The following NPAS3 variants were observed in gnomAD, a reference collection of about 807,000 sequenced individuals.
NPAS3 encodes neuronal PAS domain-containing protein 3.
A neutral mutation model predicts 73.1 loss-of-function variants in NPAS3; 14 were observed. That is an observed-to-expected ratio of 0.19 (90% CI 0.13 to 0.30). The LOEUF (loss-of-function observed/expected upper bound fraction) is 0.30. Among genes scored for constraint, NPAS3 ranks in the 10% least tolerant of loss-of-function variants. The pLI is 1.00. For synonymous variants in NPAS3, 620 were observed against 541.5 expected, an observed-to-expected ratio of 1.14 and a Z score of -2.01; for missense variants, 1,096 against 1,250.0, an observed-to-expected ratio of 0.88 and a Z score of 1.86.
chr14:33,154,231 G>C (rs1429357645), intron 2 of NPAS3, among the ~76,000 whole-genome samples: 1 of 152,194 alleles, frequency 6.6e-6, no homozygotes, highest in African/African-American at 2.4e-5. Flanking sequence ...TATATTGACA[G>C]CTATGCTGAT....
chr14:33,615,104 G>A lies in NPAS3; in HGVS notation c.558+54894G>A, dbSNP rs554900418. 2.2e-4 allele frequency among the ~76,000 whole-genome samples: 34 copies of A among 152,230 alleles called. 1 individual carries two copies. In the Middle Eastern group the frequency reaches 0.024, roughly 107 times the overall value. On this transcript the variant is annotated intron_variant, in intron 5 of 11. Transcript: ENST00000356141. ...ATGAGGTGGCATCGGTACAAAGATG[G>A]CAAAGGGCAGCACTTAGGGCAATAA...
At chr14:33,720,418 C>G (rs2061074935) in intron 6 of NPAS3, among the ~76,000 whole-genome samples, 1 of 152,172 alleles carries the variant, frequency 6.6e-6, no homozygotes, top group Non-Finnish European at 1.5e-5. Context: ...GTCCCAGCTT[C>G]TGTGACAGCC....
At chr14:33,652,282 A>T (rs1309713676) in intron 5 of NPAS3, among the ~76,000 whole-genome samples, 2 of 152,120 alleles carry the variant, frequency 1.3e-5, no homozygotes, top group African/African-American at 2.4e-5. Flanking sequence ...TTGCTGTTGC[A>T]TTCTCCTCTG....
intron 4 of NPAS3, among the ~76,000 whole-genome samples, chr14:33,445,890 G>C (rs1737917075): frequency 1.3e-5 from 2 of 151,636 alleles, no homozygotes; most frequent in Admixed American, 6.6e-5. Flanking sequence ...GGACCTCCCT[G>C]GGCTGAGGCC....
At position 33,450,505 on chromosome 14, in the gene NPAS3, G is replaced by C. The variant is rs1410383830; in HGVS notation, c.468+83237G>C. On this transcript the variant is annotated intron_variant, in intron 4 of 11. Coordinates refer to ENST00000356141, the Ensembl canonical transcript of NPAS3. ...TTATTCATGAAATGAGATAGATCCT[G>C]AAAAAAACATCTGAGTCTAGATGAT... is the stretch of plus-strand genomic sequence containing the variant. 3.3e-5 allele frequency among the ~76,000 whole-genome samples: 5 copies of C among 151,822 alleles called. No homozygotes were observed. In the East Asian group the frequency reaches 9.7e-4, roughly 29 times the overall value.
intron 5 of NPAS3, among the ~76,000 whole-genome samples, chr14:33,577,022 TC>T (rs1455990253): frequency 6.6e-6 from 1 of 152,192 alleles, no homozygotes; most frequent in Non-Finnish European, 1.5e-5. Flanking sequence ...CCCAAGCTCT[TC>T]AACTTGCAAG....
intron 5 of NPAS3, among the ~76,000 whole-genome samples, chr14:33,618,054 T>C (rs772500112): frequency 3.2e-4 from 48 of 152,272 alleles, no homozygotes; most frequent in Admixed American, 1.5e-3. Context: ...TTGGATCAAT[T>C]ATATATAAAG....
chr14:33,700,898 G>A (rs964289004), intron 6 of NPAS3, among the ~76,000 whole-genome samples: 1 of 152,170 alleles, frequency 6.6e-6, no homozygotes, highest in African/African-American at 2.4e-5. Context: ...GTTTCTTAAT[G>A]TTGTTTAATT....
At chr14:33,740,590 C>A (rs2061631640) in intron 7 of NPAS3, among the ~76,000 whole-genome samples, 2 of 152,226 alleles carry the variant, frequency 1.3e-5, no homozygotes, top group African/African-American at 2.4e-5. Flanking sequence ...TAGCTATGAA[C>A]CCAAACGATT....
chr14:33,533,860 A>C (rs750168194), intron 4 of NPAS3, among the ~76,000 whole-genome samples: 1 of 152,140 alleles, frequency 6.6e-6, no homozygotes, highest in African/African-American at 2.4e-5. Flanking sequence ...GTATATATAC[A>C]TATCACATGT....
At chr14:33,035,376 C>G (rs897812982) in intron 1 of NPAS3, among the ~76,000 whole-genome samples, 1 of 152,076 alleles carries the variant, frequency 6.6e-6, no homozygotes, top group African/African-American at 2.4e-5. Flanking sequence ...GAGATGGAAA[C>G]AGTTGCTGGT....
intron 6 of NPAS3, among the ~76,000 whole-genome samples, chr14:33,730,886 T>C (rs1172619716): frequency 6.6e-6 from 1 of 152,204 alleles, no homozygotes; most frequent in Non-Finnish European, 1.5e-5. Context: ...GTTCGTCCTG[T>C]GTGCACAGAA....
intron 6 of NPAS3, among the ~76,000 whole-genome samples, chr14:33,682,105 A>C (rs2059955956): frequency 6.6e-6 from 1 of 152,228 alleles, no homozygotes; most frequent in South Asian, 2.1e-4. Context: ...AAAATGTATA[A>C]TTTATGATGA....
intron 4 of NPAS3, among the ~76,000 whole-genome samples, chr14:33,550,183 G>GGGTTT (rs1023364294): frequency 6.6e-6 from 1 of 151,890 alleles, no homozygotes; most frequent in Non-Finnish European, 1.5e-5. Flanking sequence ...TTGTTATTTG[G>GGGTTT]GGTTTGTTTT....
chr14:33,711,962 G>C (rs1234221002), intron 6 of NPAS3, among the ~76,000 whole-genome samples: 1 of 152,156 alleles, frequency 6.6e-6, no homozygotes, highest in African/African-American at 2.4e-5. Flanking sequence ...CTCAGCTAAA[G>C]GAAGTGCCAG....
At chr14:32,964,640 G>A (rs1175519592) in intron 1 of NPAS3, among the ~76,000 whole-genome samples, 2 of 152,154 alleles carry the variant, frequency 1.3e-5, no homozygotes, top group African/African-American at 2.4e-5. Context: ...CCAGAGAAAG[G>A]TTATACATTT....
intron 3 of NPAS3, among the ~76,000 whole-genome samples, chr14:33,315,616 A>C (rs1374658406): frequency 6.6e-6 from 1 of 151,982 alleles, no homozygotes; most frequent in Non-Finnish European, 1.5e-5. Flanking sequence ...AGAGTACTAT[A>C]GGTGAACAGG....
intron 3 of NPAS3, among the ~76,000 whole-genome samples, chr14:33,353,373 A>G (rs2045171928): frequency 6.6e-6 from 1 of 152,220 alleles, no homozygotes; most frequent in Non-Finnish European, 1.5e-5. Context: ...CAAGGAAGAA[A>G]TACTTGTTGC....
intron 4 of NPAS3, among the ~76,000 whole-genome samples, chr14:33,470,189 G>A (rs1302303084): frequency 6.6e-6 from 1 of 152,146 alleles, no homozygotes; most frequent in African/African-American, 2.4e-5. Context: ...GTCATATAAT[G>A]TCACTTACAA....
Sources: gnomAD v4.1 joint callset for allele counts (sites outside exome capture counted in the v4.1 genomes callset) on GRCh38, gnomAD v4.1.1 for gene constraint, MANE v1.5 for transcripts, NCBI Gene and HGNC (gene_info 2026-07-23, HGNC 2026-07-21) for gene names.